The following GRIK1 variants were observed in gnomAD, a reference collection of about 807,000 sequenced individuals.
The protein encoded by GRIK1 is glutamate ionotropic receptor kainate type subunit 1, also known as glutamate receptor ionotropic, kainate 1.
GRIK1 carries 69 observed loss-of-function variants against 105.7 expected under a neutral mutation model. The observed-to-expected ratio is 0.65, with a 90% CI of 0.54 to 0.80. The LOEUF (loss-of-function observed/expected upper bound fraction) is 0.80. GRIK1 is among the 30% of genes least tolerant of loss of function. The probability of loss-of-function intolerance (pLI) is 0.00; values close to 1 mark genes in which losing one functional copy is unlikely to be tolerated. For missense variants in GRIK1, 1,109 were observed against 1,167.3 expected, an observed-to-expected ratio of 0.95 and a Z score of 0.73; for synonymous variants, 438 against 431.3, an observed-to-expected ratio of 1.02 and a Z score of -0.19.
At position 29,676,923 on chromosome 21, in the gene GRIK1, A is replaced by G. The variant is rs533391149; in HGVS notation, c.545-3759T>C. ...ATATTATTATTTTGCCAATAATAAT[A>G]TTAGCAAATATATATTTCTATATGT... On this transcript the variant is annotated intron_variant, in intron 3 of 17. Coordinates refer to ENST00000327783, the MANE Select transcript of GRIK1 (RefSeq NM_001330994.2). 2.6e-5 allele frequency among the ~76,000 whole-genome samples: 4 copies of G among 152,342 alleles called. 1 individual carries two copies. The highest frequency in any genetic ancestry group is 9.6e-5 in the African/African-American group (4 of 41,588).
intron 3 of GRIK1, among the ~76,000 whole-genome samples, chr21:29,674,179 A>G (rs1003083363): frequency 2.6e-5 from 4 of 151,480 alleles, no homozygotes; most frequent in African/African-American, 9.7e-5. Flanking sequence ...GAAAATTGTG[A>G]TATGCTCTGT....
chr21:29,842,852 C>T (rs942180580), intron 1 of GRIK1, among the ~76,000 whole-genome samples: 3 of 152,164 alleles, frequency 2.0e-5, no homozygotes, highest in Admixed American at 2.0e-4. Flanking sequence ...TTTCCAGCAA[C>T]ACTCACAGTT....
At chr21:29,869,382 A>G (rs2068933814) in intron 1 of GRIK1, among the ~76,000 whole-genome samples, 1 of 152,134 alleles carries the variant, frequency 6.6e-6, no homozygotes, top group Non-Finnish European at 1.5e-5. Context: ...TCTCCCCTTT[A>G]TTCATTTACT....
At chr21:29,695,472 C>A (rs539940496) in intron 1 of GRIK1, among the ~76,000 whole-genome samples, 6,981 of 128,376 alleles carry the variant, frequency 0.054, 247 homozygotes, top group Non-Finnish European at 0.086. Context: ...ATCTATCTAT[C>A]TATCTATATA....
intron 16 of GRIK1, among the ~76,000 whole-genome samples, chr21:29,549,663 G>T (rs1217149821): frequency 6.8e-6 from 1 of 147,692 alleles, no homozygotes; most frequent in Admixed American, 6.7e-5. Flanking sequence ...TAAACATAAA[G>T]CTTGAAAAAA....
intron 15 of GRIK1, among the ~76,000 whole-genome samples, chr21:29,559,411 A>T (rs181378798): frequency 1.2e-3 from 185 of 152,302 alleles, no homozygotes; most frequent in Admixed American, 1.8e-3. Context: ...CTTGGAAAAC[A>T]TGTTGACTAA....
At chr21:29,867,484 T>C (rs2068838182) in intron 1 of GRIK1, among the ~76,000 whole-genome samples, 1 of 152,056 alleles carries the variant, frequency 6.6e-6, no homozygotes, top group Admixed American at 6.6e-5. Context: ...CATTATTCCA[T>C]CACCACGACT....
At chr21:29,728,257 T>A (rs964671983) in intron 1 of GRIK1, among the ~76,000 whole-genome samples, 10 of 152,198 alleles carry the variant, frequency 6.6e-5, no homozygotes, top group Non-Finnish European at 1.2e-4. Context: ...ACAATTATAT[T>A]TTCTCTGGTG....
chr21:29,920,273 CCA>C (rs2071148029), intron 1 of GRIK1, among the ~76,000 whole-genome samples: 1 of 151,786 alleles, frequency 6.6e-6, no homozygotes, highest in Admixed American at 6.6e-5. Context: ...TTTCATTTTC[CCA>C]TTATTAGAAA....
chr21:29,854,596 T>A (rs1386505240), intron 1 of GRIK1, among the ~76,000 whole-genome samples: 1 of 152,122 alleles, frequency 6.6e-6, no homozygotes, highest in Admixed American at 6.5e-5. Flanking sequence ...GAGGCACACA[T>A]GAAGATCATA....
chr21:29,658,555 C>A (rs1400105045), intron 4 of GRIK1, among the ~76,000 whole-genome samples: 1 of 152,238 alleles, frequency 6.6e-6, no homozygotes, highest in Non-Finnish European at 1.5e-5. Flanking sequence ...AGCCACTGCA[C>A]CTGGCCAAGT....
chr21:29,708,103 A>G (rs923009586), intron 1 of GRIK1, among the ~76,000 whole-genome samples: 1 of 152,230 alleles, frequency 6.6e-6, no homozygotes, highest in African/African-American at 2.4e-5. Context: ...TTATATGTGC[A>G]TCCATCCACC....
chr21:29,867,860 G>GAA (rs60273108), intron 1 of GRIK1, among the ~76,000 whole-genome samples: 29 of 99,264 alleles, frequency 2.9e-4, no homozygotes, highest in African/African-American at 1.1e-3. Flanking sequence ...AAGAGAGAAA[G>GAA]AGAGAGAAAG....
intron 13 of GRIK1, among the ~76,000 whole-genome samples, chr21:29,577,841 T>A (rs1470870536): frequency 2.6e-5 from 4 of 152,222 alleles, no homozygotes; most frequent in African/African-American, 9.6e-5. Flanking sequence ...TGCTGTTTCT[T>A]AACTACACTT....
At chr21:29,665,799 A>G (rs2063047582) in intron 4 of GRIK1, among the ~76,000 whole-genome samples, 1 of 151,944 alleles carries the variant, frequency 6.6e-6, no homozygotes, top group Non-Finnish European at 1.5e-5. Flanking sequence ...GGTGATGTGA[A>G]CATCATACTC....
intron 1 of GRIK1, among the ~76,000 whole-genome samples, chr21:29,699,490 C>T (rs2063771740): frequency 6.6e-6 from 1 of 152,094 alleles, no homozygotes; most frequent in Non-Finnish European, 1.5e-5. Flanking sequence ...CTGGAGAAAC[C>T]AAACCTGCCG....
chr21:29,727,402 A>G (rs558225197), intron 1 of GRIK1, among the ~76,000 whole-genome samples: 1 of 152,304 alleles, frequency 6.6e-6, no homozygotes, highest in African/African-American at 2.4e-5. Context: ...ATATAATGGT[A>G]CTGTATATTG....
chr21:29,830,417 C>A (rs1366814735), intron 1 of GRIK1, among the ~76,000 whole-genome samples: 1 of 151,240 alleles, frequency 6.6e-6, no homozygotes, highest in Non-Finnish European at 1.5e-5. Flanking sequence ...CAGAACCAAT[C>A]CTGGATTTAA....
At chr21:29,630,844 G>A (rs1252119576) in intron 7 of GRIK1, 16 of 345,086 alleles carry the variant, frequency 4.6e-5, no homozygotes, top group South Asian at 3.0e-4. Context: ...CTGTCACCTA[G>A]GCTGGAGTGC....
Sources: allele counts gnomAD v4.1 joint callset (sites outside exome capture counted in the v4.1 genomes callset), GRCh38; gene constraint gnomAD v4.1.1; transcripts MANE v1.5; gene names NCBI Gene and HGNC (gene_info 2026-07-23, HGNC 2026-07-21).